The following DPF3 variants were observed in gnomAD, a reference collection of about 807,000 sequenced individuals.
DPF3 encodes double PHD fingers 3.
DPF3 carries 18 observed loss-of-function variants against 56.8 expected under a neutral mutation model. The observed-to-expected ratio is 0.32, with a 90% CI of 0.22 to 0.47. The LOEUF (loss-of-function observed/expected upper bound fraction) is 0.47, where lower values mean the gene tolerates loss of function less well. Among genes scored for constraint, DPF3 ranks in the 20% least tolerant of loss-of-function variants. The probability of loss-of-function intolerance (pLI) is 1.00; values close to 1 mark genes in which losing one functional copy is unlikely to be tolerated. For missense variants in DPF3, 403 were observed against 488.8 expected, an observed-to-expected ratio of 0.82 and a Z score of 1.65; for synonymous variants, 188 against 180.2, an observed-to-expected ratio of 1.04 and a Z score of -0.35.
chr14:72,877,955 C>T (rs1249740688), intron 1 of DPF3, among the ~76,000 whole-genome samples: 3 of 152,148 alleles, frequency 2.0e-5, no homozygotes, highest in African/African-American at 7.2e-5. Context: ...CACCCTCTGT[C>T]CTGAACTGGG....
intron 6 of DPF3, among the ~76,000 whole-genome samples, chr14:72,694,943 T>C (rs367963592): frequency 3.9e-5 from 6 of 152,346 alleles, no homozygotes; most frequent in East Asian, 3.9e-4. Flanking sequence ...TTTCCTATTA[T>C]TGAACCATTC....
chr14:72,842,306 A>C (rs1884577160), intron 1 of DPF3, among the ~76,000 whole-genome samples: 1 of 152,170 alleles, frequency 6.6e-6, no homozygotes, highest in Admixed American at 6.5e-5. Flanking sequence ...TACTCATGGA[A>C]GACCCAGACC....
chr14:72,728,363 A>C (rs149272366), intron 4 of DPF3, among the ~76,000 whole-genome samples: 2 of 152,250 alleles, frequency 1.3e-5, no homozygotes, highest in East Asian at 3.9e-4. Context: ...ATTTGTACAC[A>C]TGGAGATGGA....
At chr14:72,652,768 C>T in intron 8 of DPF3, among the ~76,000 whole-genome samples, 1 of 151,470 alleles carries the variant, frequency 6.6e-6, no homozygotes, top group African/African-American at 2.4e-5. Context: ...GAACAGTGGG[C>T]CCCAGAATGC....
At chr14:72,835,625 G>A (rs1194987205) in intron 1 of DPF3, among the ~76,000 whole-genome samples, 2 of 152,076 alleles carry the variant, frequency 1.3e-5, no homozygotes, top group African/African-American at 2.4e-5. Flanking sequence ...CCTGCTTCCC[G>A]GGAGACCCTT....
intron 1 of DPF3, among the ~76,000 whole-genome samples, chr14:72,824,551 C>CTTTTTTTTTTTTTTTTTTTTTTT (rs375498304): frequency 7.0e-6 from 1 of 143,252 alleles, no homozygotes; most frequent in African/African-American, 2.6e-5. Context: ...TTTTCTTTTT[C>CTTTTTTTTTTTTTTTTTTTTTTT]TTTTTTTTTT....
chr14:72,648,114 G>A (rs373843690), intron 8 of DPF3, among the ~76,000 whole-genome samples: 34 of 152,282 alleles, frequency 2.2e-4, no homozygotes, highest in East Asian at 1.3e-3. Flanking sequence ...CTGAGCAGTC[G>A]TGGTTTCAGT....
intron 8 of DPF3, among the ~76,000 whole-genome samples, chr14:72,652,266 C>T (rs1317108106): frequency 6.6e-6 from 1 of 152,204 alleles, no homozygotes; most frequent in Non-Finnish European, 1.5e-5. Context: ...GAGGGCCCTT[C>T]CCCACAAAGC....
At position 72,730,513 on chromosome 14, in the gene DPF3, C is replaced by A. The variant is rs572662910; in HGVS notation, c.429+1294G>T. Among the ~76,000 whole-genome samples the A allele has an allele frequency of 6.6e-5, 10 of 152,270 alleles. No individual in the cohort carries two copies. In the South Asian group the frequency reaches 2.1e-3, roughly 32 times the overall value. On this transcript the variant is annotated intron_variant, in intron 4 of 10. Coordinates refer to ENST00000556509, the MANE Select transcript of DPF3 (RefSeq NM_001280542.3). ...ATGCCTTTATCGAGACTCAACTCTA[C>A]CCAGCTTGGGAAAGGCCCCGGGGAC...
intron 9 of DPF3, among the ~76,000 whole-genome samples, chr14:72,624,630 C>T (rs1437939793): frequency 3.3e-5 from 5 of 152,218 alleles, no homozygotes; most frequent in African/African-American, 7.2e-5. Flanking sequence ...TGAGCCACCA[C>T]GCCCGGCCCC....
chr14:72,773,491 C>T (rs969049185), intron 1 of DPF3, among the ~76,000 whole-genome samples: 23 of 152,270 alleles, frequency 1.5e-4, no homozygotes, highest in African/African-American at 5.1e-4. Flanking sequence ...CTTAAGTGTA[C>T]AGTTTAAGTG....
In DPF3 at chr14:72,610,555, A is replaced by T. The variant is rs1460750566; in HGVS notation, c.*8742T>A. Among the ~76,000 whole-genome samples the T allele has an allele frequency of 6.6e-6, 1 of 152,178 alleles. No homozygotes were observed. The highest frequency in any genetic ancestry group is 1.5e-5 in the Non-Finnish European group (1 of 68,032). Reference sequence around the variant, plus strand: ...GCTGTCAGAGAAATTGAGCTTACAAATTGCCCTCACCCTGAACCCACTTGG... The same window carrying T: ...GCTGTCAGAGAAATTGAGCTTACAATTTGCCCTCACCCTGAACCCACTTGG... On this transcript the variant is annotated 3_prime_UTR_variant, in exon 11 of 11. Coordinates refer to ENST00000556509, the MANE Select transcript of DPF3 (RefSeq NM_001280542.3).
intron 1 of DPF3, among the ~76,000 whole-genome samples, chr14:72,778,455 T>C (rs139165921): frequency 0.039 from 6,001 of 152,312 alleles, 401 homozygotes; most frequent in African/African-American, 0.14. Context: ...GACTGTCTAG[T>C]TGCAGGAAAA....
rs75865084 is a variant in DPF3 at position 72,727,868 on chromosome 14, T to C, written c.429+3939A>G. The stretch of plus-strand genomic sequence containing the variant: ...ATTCGCTACATGTGTATTTTAATAA[T>C]GCAAAGTCAATAAAAACACGTAAAC... On this transcript the variant is annotated intron_variant, in intron 4 of 10. Coordinates refer to ENST00000556509, the MANE Select transcript of DPF3 (RefSeq NM_001280542.3). Among the ~76,000 whole-genome samples the C allele has an allele frequency of 8.9e-3, 1,354 of 152,322 alleles. 20 individuals are homozygous for C. The highest frequency in any genetic ancestry group is 0.031 in the African/African-American group (1,286 of 41,556).
chr14:72,673,639 C>A (rs1190924494), intron 8 of DPF3, among the ~76,000 whole-genome samples: 1 of 152,216 alleles, frequency 6.6e-6, no homozygotes, highest in Non-Finnish European at 1.5e-5. Flanking sequence ...TACACCAAAT[C>A]AACTGCAGAT....
chr14:72,688,428 A>C (rs964747747), intron 7 of DPF3, among the ~76,000 whole-genome samples: 4 of 152,328 alleles, frequency 2.6e-5, no homozygotes, highest in African/African-American at 9.6e-5. Context: ...ATAAATGTCT[A>C]TCCTCACTCT....
At chr14:72,850,447 G>A (rs1234913778) in intron 1 of DPF3, among the ~76,000 whole-genome samples, 1 of 152,208 alleles carries the variant, frequency 6.6e-6, no homozygotes, top group Non-Finnish European at 1.5e-5. Flanking sequence ...AAAAGGCAAA[G>A]AGAAATTAGT....
chr14:72,756,905 A>AG (rs1567223022), intron 2 of DPF3, among the ~76,000 whole-genome samples: 28 of 127,944 alleles, frequency 2.2e-4, no homozygotes, highest in East Asian at 8.3e-4. Flanking sequence ...AAGAAAAGAA[A>AG]AAAAGAAAGA....
At chr14:72,625,192 A>G (rs571589568) in intron 9 of DPF3, among the ~76,000 whole-genome samples, 21 of 152,104 alleles carry the variant, frequency 1.4e-4, no homozygotes, top group Non-Finnish European at 2.6e-4. Flanking sequence ...AGTGTGCCCA[A>G]TGATTATTTC....
Sources: allele counts gnomAD v4.1 joint callset (sites outside exome capture counted in the v4.1 genomes callset), GRCh38; gene constraint gnomAD v4.1.1; transcripts MANE v1.5; gene names NCBI Gene and HGNC (gene_info 2026-07-23, HGNC 2026-07-21).